Variants in PRKCE observed in about 807,000 individuals in gnomAD.
PRKCE encodes the protein protein kinase C epsilon.
Under a neutral mutation model 85.4 loss-of-function variants are expected in PRKCE, and 16 were observed. The observed-to-expected ratio is 0.19, with a 90% CI of 0.13 to 0.28. The LOEUF (loss-of-function observed/expected upper bound fraction) is 0.28, where lower values mean the gene tolerates loss of function less well. PRKCE is among the 10% of genes least tolerant of loss of function. PRKCE has a pLI of 1.00. For missense variants in PRKCE, 573 were observed against 975.2 expected, an observed-to-expected ratio of 0.59 and a Z score of 5.49; for synonymous variants, 388 against 371.5, an observed-to-expected ratio of 1.04 and a Z score of -0.51.
chr2:45,856,259 C>G (rs1004389619), intron 2 of PRKCE, among the ~76,000 whole-genome samples: 2 of 151,996 alleles, frequency 1.3e-5, no homozygotes, highest in Non-Finnish European at 2.9e-5. Flanking sequence ...GAGATAGAGT[C>G]TTACTCTGTC....
chr2:45,865,920 T>C (rs911426315), intron 2 of PRKCE, among the ~76,000 whole-genome samples: 1 of 151,020 alleles, frequency 6.6e-6, no homozygotes, highest in African/African-American at 2.4e-5. Flanking sequence ...CAGGCTCAAG[T>C]GATCCTACTG....
At chr2:46,174,120 T>A (rs553418458) in intron 14 of PRKCE, among the ~76,000 whole-genome samples, 20 of 152,342 alleles carry the variant, frequency 1.3e-4, no homozygotes, top group African/African-American at 4.1e-4. Flanking sequence ...CAACTTTCCC[T>A]CAGAAGTGTT....
At chr2:45,921,146 A>G (rs1698218313) in intron 2 of PRKCE, among the ~76,000 whole-genome samples, 1 of 152,240 alleles carries the variant, frequency 6.6e-6, no homozygotes, top group Non-Finnish European at 1.5e-5. Flanking sequence ...CAATGAACTG[A>G]AGGAGACTGA....
intron 2 of PRKCE, among the ~76,000 whole-genome samples, chr2:45,906,526 G>A (rs963446225): frequency 6.6e-6 from 1 of 152,210 alleles, no homozygotes; most frequent in Non-Finnish European, 1.5e-5. Flanking sequence ...CAGGGAAGAG[G>A]GGGACGGGTT....
At chr2:46,170,400 G>A (rs554979894) in intron 14 of PRKCE, among the ~76,000 whole-genome samples, 1 of 152,284 alleles carries the variant, frequency 6.6e-6, no homozygotes, top group South Asian at 2.1e-4. Context: ...TATAAAAGTA[G>A]AGCAAATCAT....
At chr2:46,086,090 C>A in intron 10 of PRKCE, 118 bp from the exon 11 acceptor site, 1 of 1,070,530 alleles carries the variant, frequency 9.3e-7, no homozygotes, top group Non-Finnish European at 1.4e-6. Context: ...GATTCACCCA[C>A]CTTTGAGGCT....
At chr2:45,748,564 C>T (rs1449094527) in intron 1 of PRKCE, among the ~76,000 whole-genome samples, 2 of 150,080 alleles carry the variant, frequency 1.3e-5, no homozygotes, top group South Asian at 2.1e-4. Context: ...GACTCAAATA[C>T]CTAATGTCCC....
intron 6 of PRKCE, among the ~76,000 whole-genome samples, chr2:45,992,620 G>A (rs1462581229): frequency 6.6e-6 from 1 of 152,142 alleles, no homozygotes; most frequent in Non-Finnish European, 1.5e-5. Context: ...ACCCTCAAGG[G>A]CCAAATTACC....
intron 2 of PRKCE, among the ~76,000 whole-genome samples, chr2:45,896,610 T>C (rs1696161665): frequency 6.6e-6 from 1 of 152,244 alleles, no homozygotes; most frequent in Non-Finnish European, 1.5e-5. Context: ...AAAGGCAATT[T>C]TGAGTCACTA....
intron 10 of PRKCE, among the ~76,000 whole-genome samples, chr2:46,052,313 G>T (rs1010192502): frequency 6.6e-6 from 1 of 152,162 alleles, no homozygotes; most frequent in African/African-American, 2.4e-5. Flanking sequence ...CAGGAGACAA[G>T]ATCAATATAC....
intron 1 of PRKCE, among the ~76,000 whole-genome samples, chr2:45,813,033 T>C (rs893149098): frequency 6.6e-6 from 1 of 152,206 alleles, no homozygotes; most frequent in African/African-American, 2.4e-5. Flanking sequence ...GAAAATTCTA[T>C]CTCTGGGGTT....
At chr2:46,083,669 G>C (rs1377400805) in intron 10 of PRKCE, among the ~76,000 whole-genome samples, 1 of 152,168 alleles carries the variant, frequency 6.6e-6, no homozygotes, top group Non-Finnish European at 1.5e-5. Flanking sequence ...TGGCCTGCCA[G>C]CATTGCCCGG....
intron 2 of PRKCE, among the ~76,000 whole-genome samples, chr2:45,868,555 C>G (rs1211841396): frequency 1.4e-5 from 2 of 147,472 alleles, no homozygotes; most frequent in Non-Finnish European, 3.0e-5. Flanking sequence ...AACTCCTGAC[C>G]TCAGGTGATC....
At chr2:45,716,386 G>A (rs60251943) in intron 1 of PRKCE, among the ~76,000 whole-genome samples, 10 of 152,076 alleles carry the variant, frequency 6.6e-5, no homozygotes, top group Non-Finnish European at 1.3e-4. Flanking sequence ...GCGTGGTGTC[G>A]CATGCTTGTA....
intron 2 of PRKCE, among the ~76,000 whole-genome samples, chr2:45,919,318 T>C (rs1334396692): frequency 6.6e-6 from 1 of 152,236 alleles, no homozygotes; most frequent in Non-Finnish European, 1.5e-5. Context: ...GGCCGTGGAC[T>C]CTGCAGGCTT....
intron 2 of PRKCE, among the ~76,000 whole-genome samples, chr2:45,848,486 T>C (rs948104734): frequency 6.6e-6 from 1 of 152,104 alleles, no homozygotes; most frequent in Non-Finnish European, 1.5e-5. Flanking sequence ...AATTTTTGTA[T>C]TTTTAGTAGA....
chr2:46,177,512 C>T (rs1333753027), intron 14 of PRKCE, among the ~76,000 whole-genome samples: 1 of 152,158 alleles, frequency 6.6e-6, no homozygotes, highest in Non-Finnish European at 1.5e-5. Context: ...CTGGCTCGTG[C>T]CACACAGCTT....
chr2:46,135,094 T>C (rs1215830152), intron 11 of PRKCE, among the ~76,000 whole-genome samples: 1 of 152,220 alleles, frequency 6.6e-6, no homozygotes. Flanking sequence ...TATTTTGGCT[T>C]CAAACCGAGA....
chr2:45,809,926 T>C (rs575881229), intron 1 of PRKCE, among the ~76,000 whole-genome samples: 1 of 151,816 alleles, frequency 6.6e-6, no homozygotes, highest in African/African-American at 2.4e-5. Flanking sequence ...GGCATGGCTC[T>C]CCAAAATCAC....
Sources: allele counts gnomAD v4.1 joint callset (sites outside exome capture counted in the v4.1 genomes callset), GRCh38; gene constraint gnomAD v4.1.1; transcripts MANE v1.5; gene names NCBI Gene and HGNC (gene_info 2026-07-23, HGNC 2026-07-21).